Variants in MACROD2 observed in about 807,000 individuals in gnomAD.
The protein encoded by MACROD2 is mono-ADP ribosylhydrolase 2.
A neutral mutation model predicts 70.4 loss-of-function variants in MACROD2; 36 were observed. That is an observed-to-expected ratio of 0.51 (90% CI 0.39 to 0.68). The LOEUF is 0.68. Ranked by LOEUF, MACROD2 falls within the 30% of genes least tolerant of loss-of-function variation. The pLI is 0.00. For synonymous variants in MACROD2, 172 were observed against 178.8 expected (o/e 0.96, Z 0.30); for missense variants, 496 against 538.4 (o/e 0.92, Z 0.78).
chr20:15,789,256 GC>G (rs1308579639), intron 8 of MACROD2, among the ~76,000 whole-genome samples: 5 of 152,184 alleles, frequency 3.3e-5, no homozygotes. Flanking sequence ...CTAAAGAATA[GC>G]CTTTGGTTGA....
chr20:15,621,847 A>T (rs1339239490), intron 8 of MACROD2, among the ~76,000 whole-genome samples: 1 of 152,208 alleles, frequency 6.6e-6, no homozygotes, highest in Non-Finnish European at 1.5e-5. Context: ...GGTAGTTTAG[A>T]CACCTCAAGT....
intron 2 of MACROD2, among the ~76,000 whole-genome samples, chr20:14,005,871 G>A (rs1278308153): frequency 1.3e-5 from 2 of 152,132 alleles, no homozygotes; most frequent in Non-Finnish European, 2.9e-5. Flanking sequence ...AAGGTGCTGG[G>A]ATTACAGACG....
chr20:15,719,578 C>T (rs942142412), intron 8 of MACROD2, among the ~76,000 whole-genome samples: 1 of 152,154 alleles, frequency 6.6e-6, no homozygotes, highest in African/African-American at 2.4e-5. Flanking sequence ...AATTTAAATA[C>T]AATCACCAAA....
Position 13,995,743 on chromosome 20 carries a change from G to A in MACROD2, c.-21G>A. The A allele has an allele frequency of 1.4e-6, 2 of 1,384,142 alleles. No homozygotes were observed. Among genetic ancestry groups the A allele is most frequent in the Non-Finnish European group, 1.9e-6 (2 of 1,034,828 alleles). The allele number at this position is 1,384,142 out of a possible 1,614,324, so 85.7% of individuals were successfully genotyped here. A position where few individuals can be genotyped will look rare whatever the true frequency, so the allele number is the denominator to read the frequency against. On this transcript the variant is annotated 5_prime_UTR_variant, in exon 1 of 18. Coordinates refer to ENST00000684519, the MANE Select transcript of MACROD2 (RefSeq NM_001351661.2). The surrounding 1 kb of genome is among the most constrained non-coding windows in gnomAD (Gnocchi z 4.3). ...GAGCCTGGGGAACTTGCAGCTTAAA[G>A]CCAGCCACCCCCACGGCAACATGTA...
At chr20:14,383,713 GT>G (rs2083445208) in intron 3 of MACROD2, among the ~76,000 whole-genome samples, 1 of 152,124 alleles carries the variant, frequency 6.6e-6, no homozygotes, top group Non-Finnish European at 1.5e-5. Context: ...GAGAAATTGT[GT>G]TGACTTTGTC....
intron 5 of MACROD2, among the ~76,000 whole-genome samples, chr20:14,978,894 TTATATAATATATTATA>T: frequency 2.1e-4 from 1 of 4,680 alleles, no homozygotes; most frequent in African/African-American, 2.9e-4. Flanking sequence ...AATATATATA[TTATATAATATATTATA>T]TATAATATAT....
At chr20:15,275,938 C>A (rs564327408) in intron 6 of MACROD2, among the ~76,000 whole-genome samples, 1 of 152,198 alleles carries the variant, frequency 6.6e-6, no homozygotes, top group South Asian at 2.1e-4. Context: ...AAATGCACTT[C>A]AAATGCACAG....
chr20:14,600,133 G>A lies in MACROD2; in HGVS notation c.302-84710G>A, dbSNP rs148950075. On this transcript the variant is annotated intron_variant, in intron 4 of 17. Coordinates refer to ENST00000684519, the MANE Select transcript of MACROD2 (RefSeq NM_001351661.2). ...AAAGTTTTGAAAATGTGGCAAGGCCGTCATCATCAATGCAATGCACACAAA... is the reference window on the plus strand; with the variant it reads ...AAAGTTTTGAAAATGTGGCAAGGCCATCATCATCAATGCAATGCACACAAA... Among the ~76,000 whole-genome samples, 13 of 152,076 alleles carry A rather than the reference G, an allele frequency of 8.5e-5. No individual in the cohort carries two copies. In the East Asian group the frequency reaches 1.9e-3, roughly 23 times the overall value.
intron 3 of MACROD2, among the ~76,000 whole-genome samples, chr20:14,132,129 CAAAAAAAAA>C (rs34790385): frequency 1.0e-5 from 1 of 96,610 alleles, no homozygotes; most frequent in East Asian, 3.1e-4. Context: ...AGACTCTATC[CAAAAAAAAA>C]AAAAAAAAAA....
intron 4 of MACROD2, among the ~76,000 whole-genome samples, chr20:14,577,817 G>GAGAAGAGAAGAGAAGAGAAGAGAAA (rs1555803941): frequency 2.0e-4 from 31 of 151,818 alleles, no homozygotes; most frequent in Middle Eastern, 3.4e-3. Context: ...GAGAAGAGAA[G>GAGAAGAGAAGAGAAGAGAAGAGAAA]AGAAGAGAAG....
intron 5 of MACROD2, among the ~76,000 whole-genome samples, chr20:15,010,939 TG>T (rs2122932929): frequency 6.6e-6 from 1 of 152,310 alleles, no homozygotes; most frequent in African/African-American, 2.4e-5. Flanking sequence ...TCAGTGAACC[TG>T]GTTTTACTTG....
At chr20:14,752,735 T>A (rs1479471269) in intron 5 of MACROD2, among the ~76,000 whole-genome samples, 1 of 152,102 alleles carries the variant, frequency 6.6e-6, no homozygotes, top group Non-Finnish European at 1.5e-5. Flanking sequence ...TGCTTAACCG[T>A]ATTACTTTGC....
chr20:15,327,808 G>C lies in MACROD2; in HGVS notation c.540+97747G>C, dbSNP rs181992416. On this transcript the variant is annotated intron_variant, in intron 6 of 17. Coordinates refer to ENST00000684519, the MANE Select transcript of MACROD2 (RefSeq NM_001351661.2). ...TCACTATCATGTGATGGATGATTGG[G>C]TTATATATTCTATCCAGCCCTTACT... 2.0e-5 allele frequency among the ~76,000 whole-genome samples: 3 copies of C among 152,092 alleles called. No individual in the cohort carries two copies. The East Asian group carries it at 5.8e-4, about 30-fold the overall frequency.
intron 5 of MACROD2, among the ~76,000 whole-genome samples, chr20:15,179,525 G>A (rs1177988868): frequency 3.3e-5 from 5 of 152,128 alleles, no homozygotes; most frequent in African/African-American, 9.7e-5. Flanking sequence ...GGTGCAGACT[G>A]TTTTGCACTC....
At chr20:15,009,117 G>A (rs2075062316) in intron 5 of MACROD2, among the ~76,000 whole-genome samples, 2 of 152,124 alleles carry the variant, frequency 1.3e-5, no homozygotes, top group Admixed American at 1.3e-4. Flanking sequence ...TCAGACAAAA[G>A]GAGGTACTAC....
intron 10 of MACROD2, among the ~76,000 whole-genome samples, chr20:15,923,107 CA>C (rs1427102603): frequency 6.6e-6 from 1 of 152,116 alleles, no homozygotes; most frequent in Non-Finnish European, 1.5e-5. Context: ...AAATAAATCG[CA>C]GCATACTTTC....
At chr20:14,320,300 A>G (rs1231467729) in intron 3 of MACROD2, among the ~76,000 whole-genome samples, 2 of 150,994 alleles carry the variant, frequency 1.3e-5, no homozygotes, top group Non-Finnish European at 3.0e-5. Context: ...TTCTTTTTTG[A>G]CCCCATTCCA....
At chr20:14,784,946 G>C (rs1295079597) in intron 5 of MACROD2, among the ~76,000 whole-genome samples, 1 of 151,990 alleles carries the variant, frequency 6.6e-6, no homozygotes, top group African/African-American at 2.4e-5. Context: ...AACAGGGCCT[G>C]CGGGCAGGGA....
chr20:15,139,553 G>A (rs2076176201), intron 5 of MACROD2, among the ~76,000 whole-genome samples: 1 of 152,080 alleles, frequency 6.6e-6, no homozygotes, highest in Admixed American at 6.6e-5. Context: ...CTTGGGATGG[G>A]CTAAGGATGC....
Sources: allele counts gnomAD v4.1 joint callset (sites outside exome capture counted in the v4.1 genomes callset), GRCh38; gene constraint gnomAD v4.1.1; non-coding constraint Gnocchi (gnomAD v3.1); transcripts MANE v1.5; gene names NCBI Gene and HGNC (gene_info 2026-07-23, HGNC 2026-07-21).